The following TRPM3 variants were observed in gnomAD, a reference collection of about 807,000 sequenced individuals.
The protein encoded by TRPM3 is long transient receptor potential channel 3.
TRPM3 carries 77 observed loss-of-function variants against 181.2 expected under a neutral mutation model. That is an observed-to-expected ratio of 0.42 (90% CI 0.35 to 0.51). The LOEUF (loss-of-function observed/expected upper bound fraction) is 0.51, where lower values mean the gene tolerates loss of function less well. Ranked by LOEUF, TRPM3 falls within the 20% of genes least tolerant of loss-of-function variation. The pLI is 0.01. For synonymous variants in TRPM3, 745 were observed against 796.4 expected, an observed-to-expected ratio of 0.94 and a Z score of 1.09; for missense variants, 1,759 against 2,196.7, an observed-to-expected ratio of 0.80 and a Z score of 3.98.
rs181897842 is a variant in TRPM3, at chr9:70,859,463, T to C, written c.462+3445A>G. ...AGGGCTGCAGTAGGTTACTCTGTCA[T>C]GTAGGAATAACAATACTGCTGTTAT... On this transcript the variant is annotated intron_variant, in intron 3 of 25. Coordinates refer to ENST00000677713, the MANE Select transcript of TRPM3 (RefSeq NM_001366145.2). Among the ~76,000 whole-genome samples the C allele has an allele frequency of 2.1e-3, 324 of 152,302 alleles. 1 individual carries two copies. Among genetic ancestry groups the C allele is most frequent in the African/African-American group, 7.7e-3 (318 of 41,566 alleles).
chr9:71,080,367 C>T (rs939885770), intron 1 of TRPM3, among the ~76,000 whole-genome samples: 1 of 152,010 alleles, frequency 6.6e-6, no homozygotes, highest in African/African-American at 2.4e-5. Flanking sequence ...CAACCCCCAA[C>T]CAAACCAAAT....
At chr9:71,193,327 T>C (rs555837558) in intron 1 of TRPM3, among the ~76,000 whole-genome samples, 2 of 151,946 alleles carry the variant, frequency 1.3e-5, no homozygotes, top group South Asian at 2.1e-4. Flanking sequence ...ACCAGTGTCC[T>C]GTGGGACTCC....
chr9:71,096,992 G>T (rs1396806190), intron 1 of TRPM3, among the ~76,000 whole-genome samples: 1 of 152,098 alleles, frequency 6.6e-6, no homozygotes, highest in Admixed American at 6.6e-5. Context: ...CTTCAGAGAA[G>T]AAGGTGGGGG....
At chr9:70,831,376 T>C (rs993359478) in intron 5 of TRPM3, among the ~76,000 whole-genome samples, 3 of 146,930 alleles carry the variant, frequency 2.0e-5, no homozygotes, top group Admixed American at 7.0e-5. Flanking sequence ...TGTTAAGAGA[T>C]TGTAAAATAG....
intron 1 of TRPM3, among the ~76,000 whole-genome samples, chr9:71,127,100 T>G (rs934512045): frequency 2.6e-5 from 4 of 152,070 alleles, no homozygotes; most frequent in Admixed American, 1.3e-4. Flanking sequence ...TAGGATTATA[T>G]TCAATATTAT....
At chr9:70,596,690 G>C (rs965377974) in intron 21 of TRPM3, among the ~76,000 whole-genome samples, 2 of 145,526 alleles carry the variant, frequency 1.4e-5, no homozygotes, top group African/African-American at 5.2e-5. Context: ...ATTCCAGCCT[G>C]GGTGACAGAG....
At chr9:70,943,029 G>C (rs1262052651) in intron 1 of TRPM3, among the ~76,000 whole-genome samples, 1 of 151,874 alleles carries the variant, frequency 6.6e-6, no homozygotes, top group Non-Finnish European at 1.5e-5. Context: ...TTTGGCATTC[G>C]AGATGTGAAT....
rs1008367167 is a variant in TRPM3, at chr9:71,241,889, T to C, written c.183+204764A>G. 3.2e-4 allele frequency among the ~76,000 whole-genome samples: 49 copies of C among 152,206 alleles called. 1 individual carries two copies. Among genetic ancestry groups the C allele is most frequent in the African/African-American group, 1.1e-3 (45 of 41,460 alleles). On this transcript the variant is annotated intron_variant, in intron 1 of 24. Coordinates refer to the TRPM3 transcript ENST00000357533. ...TGCAAATTAATATCCCTTCTAATTA[T>C]TCCTAGGCAAAAATACAGCTCATGT...
At chr9:71,174,311 G>A (rs1038545313) in intron 1 of TRPM3, among the ~76,000 whole-genome samples, 3 of 152,278 alleles carry the variant, frequency 2.0e-5, no homozygotes, top group Non-Finnish European at 2.9e-5. Context: ...GGAGGCCAAC[G>A]CCAGTGGATC....
chr9:70,888,464 T>C (rs1287589057), intron 1 of TRPM3, among the ~76,000 whole-genome samples: 1 of 152,030 alleles, frequency 6.6e-6, no homozygotes, highest in African/African-American at 2.4e-5. Context: ...ACCAGATATG[T>C]ATTCTCCAAG....
At chr9:70,841,989 G>A (rs1322358392) in intron 5 of TRPM3, among the ~76,000 whole-genome samples, 1 of 151,860 alleles carries the variant, frequency 6.6e-6, no homozygotes, top group African/African-American at 2.4e-5. Context: ...CTATTCAGGT[G>A]ATGGGTACAC....
At chr9:71,159,596 T>C (rs1343343419) in intron 1 of TRPM3, among the ~76,000 whole-genome samples, 1 of 152,140 alleles carries the variant, frequency 6.6e-6, no homozygotes, top group Non-Finnish European at 1.5e-5. Flanking sequence ...AGTTATTATA[T>C]AACTGCCTTC....
At position 70,552,894 on chromosome 9, in the gene TRPM3, C is replaced by T; in HGVS notation, c.3524G>A (p.Cys1175Tyr). 1 of 1,614,204 alleles carries T rather than the reference C, an allele frequency of 6.2e-7. No homozygotes were observed. Among genetic ancestry groups the T allele is most frequent in the Non-Finnish European group, 8.5e-7 (1 of 1,180,034 alleles). The change falls in exon 24 of 26, where the codon TGC becomes TAC. Residue 1175 changes from cysteine (C) to tyrosine (Y), a missense_variant. This residue lies in a region of TRPM3 where 96 missense variants were observed against 129.6 expected (regional missense o/e 0.74). Coordinates refer to ENST00000677713, the MANE Select transcript of TRPM3 (RefSeq NM_001366145.2). ...GTCGCTCTCGTGTTTCCTCCATCGG[C>T]AGCACAGGTGCTGGAATATCATGGT... ...HMTMIFQHLC[C>Y]RWRKHESDPD...
At chr9:71,202,765 T>A (rs1196159417) in intron 1 of TRPM3, among the ~76,000 whole-genome samples, 4 of 152,156 alleles carry the variant, frequency 2.6e-5, no homozygotes, top group African/African-American at 9.7e-5. Context: ...ATGTCACTTA[T>A]AAAACCCTTT....
At chr9:71,442,055 C>T (rs1187159856) in intron 1 of TRPM3, among the ~76,000 whole-genome samples, 1 of 152,204 alleles carries the variant, frequency 6.6e-6, no homozygotes, top group African/African-American at 2.4e-5. Context: ...GTGGATCCCT[C>T]CTGCACGCAC....
rs149836176 is a variant in TRPM3, at chr9:71,351,696, T to A, written c.183+94957A>T. On this transcript the variant is annotated intron_variant, in intron 1 of 24. Transcript: ENST00000357533. ...GCAGGAAGCTATGATTTACATAACA[T>A]TTTAAAATGTCCAATTTGCTATATA... is the stretch of plus-strand genomic sequence containing the variant. 6.6e-3 allele frequency among the ~76,000 whole-genome samples: 1,011 copies of A among 152,240 alleles called. 18 individuals are homozygous for A. Among genetic ancestry groups the A allele is most frequent in the African/African-American group, 0.023 (970 of 41,540 alleles).
At chr9:71,295,930 C>A (rs1160673766) in intron 1 of TRPM3, among the ~76,000 whole-genome samples, 1 of 151,974 alleles carries the variant, frequency 6.6e-6, no homozygotes, top group African/African-American at 2.4e-5. Context: ...CTTCCTGGAC[C>A]AAAGGCATTG....
Position 71,078,856 on chromosome 9 carries a change from T to C in TRPM3, c.177+42322A>G, listed in dbSNP as rs977156879. 4.6e-5 allele frequency among the ~76,000 whole-genome samples: 7 copies of C among 152,046 alleles called. No individual in the cohort carries two copies. In the East Asian group the frequency reaches 7.7e-4, roughly 17 times the overall value. ...AAGAAATCAAATCAAAACAAGAAGC[T>C]AAGCAGATACAAAGGTAATAAGTGC... On this transcript the variant is annotated intron_variant, in intron 1 of 25. Transcript: ENST00000677713.
chr9:71,252,869 T>TTA (rs2082435472), intron 1 of TRPM3, among the ~76,000 whole-genome samples: 1 of 148,832 alleles, frequency 6.7e-6, no homozygotes, highest in Non-Finnish European at 1.5e-5. Context: ...TTTTTTTTTT[T>TTA]AGAAGTGCAG....
Sources: allele counts gnomAD v4.1 joint callset (sites outside exome capture counted in the v4.1 genomes callset), GRCh38; gene constraint gnomAD v4.1.1; regional missense constraint gnomAD v4.1.1; transcripts MANE v1.5; gene names NCBI Gene and HGNC (gene_info 2026-07-23, HGNC 2026-07-21).